RIF1: variants seen among roughly 807,000 people sequenced by gnomAD.
RIF1 encodes replication timing regulatory factor 1.
In RIF1, 45 loss-of-function variants were observed where a neutral mutation model predicts 247.1. The ratio of observed to expected loss-of-function variants is 0.18; its 90% CI spans 0.14 to 0.23. The LOEUF (loss-of-function observed/expected upper bound fraction) is 0.23. Ranked by LOEUF, RIF1 falls within the 10% of genes least tolerant of loss-of-function variation. The pLI, the probability that RIF1 is intolerant of heterozygous loss-of-function variation, is 1.00. For synonymous variants in RIF1, 1,087 were observed against 978.8 expected (o/e 1.11, Z -2.06); for missense variants, 2,967 against 2,862.5 (o/e 1.04, Z -0.83).
At chr2:151,432,941 C>A in intron 9 of RIF1, 136 bp from the exon 10 acceptor site, 1 of 600,862 alleles carries the variant, frequency 1.7e-6, no homozygotes, top group Non-Finnish European at 2.7e-6. Context: ...AGAGCAAGGA[C>A]AGCCTGGGGA....
chr2:151,516,413 G>A, the RIF1 span: 2 of 1,321,274 alleles, frequency 1.5e-6, no homozygotes, highest in Non-Finnish European at 2.2e-6. Flanking sequence ...CTTGTGTTCA[G>A]TAGTGTGATG....
At position 151,493,817 on chromosome 2, in the gene RIF1, A is replaced by G. The variant is rs1331906548; in HGVS notation, c.*416-1412A>G. 1.9e-6 allele frequency: 3 copies of G among 1,587,608 alleles called. No individual in the cohort carries two copies. The highest frequency in any genetic ancestry group is 2.6e-6 in the Non-Finnish European group (3 of 1,164,960). ...GATTGCGTTTCACTCTTTCCATCTC[A>G]GGAGTAAAGGGTGTGGGGGTTGCTT... is the stretch of plus-strand genomic sequence containing the variant. On this transcript the variant is annotated intron_variant and NMD_transcript_variant, in intron 9 of 13. Transcript: ENST00000454583.
intron 9 of RIF1, chr2:151,493,265 T>C (rs777922046): frequency 8.1e-5 from 82 of 1,011,902 alleles, no homozygotes; most frequent in Non-Finnish European, 1.1e-4. Flanking sequence ...AGTGTGTTTT[T>C]CAGTTGAATG....
At chr2:151,530,880 CACT>C in the RIF1 span, 1 of 657,420 alleles carries the variant, frequency 1.5e-6, no homozygotes, top group Non-Finnish European at 2.7e-6. Flanking sequence ...TATTTTAAGC[CACT>C]AAGTTTTAGG....
the RIF1 span, among the ~76,000 whole-genome samples, chr2:151,521,382 C>T: frequency 2.0e-5 from 3 of 152,134 alleles, no homozygotes; most frequent in Non-Finnish European, 2.9e-5. Flanking sequence ...TACAATGGCT[C>T]TTCTCTGAAA....
At chr2:151,433,746 C>T (rs1055884819) in intron 10 of RIF1, among the ~76,000 whole-genome samples, 2 of 152,104 alleles carry the variant, frequency 1.3e-5, no homozygotes, top group African/African-American at 2.4e-5. Context: ...TGAGCCACCG[C>T]GCCTGGCCCT....
intron 2 of RIF1, among the ~76,000 whole-genome samples, chr2:151,411,010 G>T (rs1478256927): frequency 1.3e-5 from 2 of 152,148 alleles, no homozygotes; most frequent in Non-Finnish European, 2.9e-5. Flanking sequence ...TCCCTGTTCT[G>T]TCTTTTTGGA....
At chr2:151,436,225 CA>C (rs1221026596) in intron 11 of RIF1, among the ~76,000 whole-genome samples, 2 of 150,636 alleles carry the variant, frequency 1.3e-5, no homozygotes, top group Non-Finnish European at 3.0e-5. Flanking sequence ...GACTCAGTCT[CA>C]AAAAAAACAA....
chr2:151,437,056 A>G (rs1204112373), intron 12 of RIF1, 53 bp downstream of exon 12: 2 of 1,471,934 alleles, frequency 1.4e-6, no homozygotes, highest in Non-Finnish European at 1.9e-6. Flanking sequence ...CTAGGACTTA[A>G]TGCATTGGGG....
chr2:151,479,634 AT>A lies in RIF1; in HGVS notation c.*4564del, dbSNP rs2049085150. ...ACCTCTGGTCACTTAATTTTCTGTTATATTATGTGGTTGAAAATTCCTGTTT... is the reference window on the plus strand; with the variant it reads ...ACCTCTGGTCACTTAATTTTCTGTTAATTATGTGGTTGAAAATTCCTGTTT... On this transcript the variant is annotated 3_prime_UTR_variant, in exon 36 of 36. Transcript: ENST00000444746. The A allele has an allele frequency of 6.6e-6, 1 of 152,190 alleles. No homozygotes were observed. Among genetic ancestry groups the A allele is most frequent in the Non-Finnish European group, 1.5e-5 (1 of 68,030 alleles). 9.4% of individuals were successfully genotyped at this position (152,190 alleles called of 1,614,324 possible). A position where few individuals can be genotyped will look rare whatever the true frequency, so the allele number is the denominator to read the frequency against.
the RIF1 span, chr2:151,525,201 C>T: frequency 1.9e-6 from 3 of 1,613,984 alleles, no homozygotes; most frequent in East Asian, 2.2e-5. Flanking sequence ...GCATGTTTCA[C>T]CTCTGGTGGC....
At position 151,411,466 on chromosome 2, in the gene RIF1, G is replaced by A. The variant is rs1009605579; in HGVS notation, c.183+128G>A. The A allele has an allele frequency of 2.8e-5, 16 of 579,746 alleles. No homozygotes were observed. In the East Asian group the frequency reaches 4.0e-4, roughly 14 times the overall value. The allele number at this position is 579,746 out of a possible 1,614,324, so 35.9% of individuals were successfully genotyped here. On this transcript the variant is annotated intron_variant, in intron 3 of 35. Coordinates refer to ENST00000444746, the MANE Select transcript of RIF1 (RefSeq NM_018151.5). The stretch of plus-strand genomic sequence containing the variant: ...GGCGAGAGTGCAATGGCTCAGGCTC[G>A]GGCTCGGCTCACTGAAACCTCCGCC...
In RIF1 at chr2:151,411,476, C is replaced by G. The variant is rs970150799; in HGVS notation, c.183+138C>G. 7.1e-6 allele frequency: 4 copies of G among 566,126 alleles called. No homozygotes were observed. In the African/African-American group the frequency reaches 7.8e-5, roughly 11 times the overall value. The allele number at this position is 566,126 out of a possible 1,614,324, so 35.1% of individuals were successfully genotyped here. A position where few individuals can be genotyped will look rare whatever the true frequency, so the allele number is the denominator to read the frequency against. The stretch of plus-strand genomic sequence containing the variant: ...CAATGGCTCAGGCTCGGGCTCGGCT[C>G]ACTGAAACCTCCGCCTCTCGGGTTC... On this transcript the variant is annotated intron_variant, in intron 3 of 35. Coordinates refer to ENST00000444746, the MANE Select transcript of RIF1 (RefSeq NM_018151.5).
chr2:151,498,446 G>GAGTA lies in RIF1; in HGVS notation c.*514-895_*514-892dup, dbSNP rs377076974. 3.1e-4 allele frequency: 246 copies of GAGTA among 795,670 alleles called. 1 individual carries two copies. Among genetic ancestry groups the GAGTA allele is most frequent in the African/African-American group, 2.4e-3 (138 of 57,348 alleles). 49.3% of individuals were successfully genotyped at this position (795,670 alleles called of 1,614,324 possible). On this transcript the variant is annotated intron_variant and NMD_transcript_variant, in intron 10 of 13. Transcript: ENST00000454583. ...AGTTGGGAGTGGGAAGGGAGGAAGA[G>GAGTA]AGTAAGTTAGAGGAAGAGAAATACC... is the stretch of plus-strand genomic sequence containing the variant.
chr2:151,498,531 A>G (rs2061916679), intron 10 of RIF1, among the ~76,000 whole-genome samples: 1 of 152,162 alleles, frequency 6.6e-6, no homozygotes, highest in Non-Finnish European at 1.5e-5. Flanking sequence ...AAGCAAAGGA[A>G]TGCAGGAAAG....
At chr2:151,466,158 TTTGG>T (rs1559023781) in intron 30 of RIF1, 38 bp downstream of exon 30, 2 of 1,325,808 alleles carry the variant, frequency 1.5e-6, no homozygotes, top group African/African-American at 1.5e-5. Flanking sequence ...GAACCCAGTA[TTTGG>T]TTGGGATATT....
At position 151,494,229 on chromosome 2, in the gene RIF1, TC is replaced by T; in HGVS notation, c.*416-996del. 1 of 1,602,936 alleles carries T rather than the reference TC, an allele frequency of 6.2e-7. No homozygotes were observed. Among genetic ancestry groups the T allele is most frequent in the Non-Finnish European group, 8.5e-7 (1 of 1,173,776 alleles). Reference sequence around the variant, plus strand: ...GGAGTGACAGGGGTTGCGGTGGCTTTCCCCACATTTTCTTTGTACAAAACCT... The same window carrying T: ...GGAGTGACAGGGGTTGCGGTGGCTTTCCCACATTTTCTTTGTACAAAACCT... On this transcript the variant is annotated intron_variant and NMD_transcript_variant, in intron 9 of 13. Coordinates refer to the RIF1 transcript ENST00000454583.
Position 151,457,907 on chromosome 2 carries a change from G to A in RIF1, c.2799G>A (p.Gln933=), listed in dbSNP as rs141393395. Residue 933 remains glutamine, a synonymous_variant, in exon 24 of 36, where the codon CAG becomes CAA. Transcript: ENST00000444746. The part of the protein sequence containing the change: ...KNKQIRKQSA[Q]FWNATFAKVM... ...AACAGATTCGAAAACAGAGTGCTCA[G>A]TTCTGGAATGCCACTTTTGCCAAAG... is the stretch of plus-strand genomic sequence containing the variant. The A allele has an allele frequency of 1.2e-5, 20 of 1,613,768 alleles. No homozygotes were observed. The African/African-American group carries it at 2.1e-4, about 17-fold the overall frequency.
chr2:151,437,234 C>A lies in RIF1; in HGVS notation c.1373-7C>A. 6.3e-7 allele frequency: 1 copy of A among 1,595,888 alleles called. No individual in the cohort carries two copies. The highest frequency in any genetic ancestry group is 8.6e-7 in the Non-Finnish European group (1 of 1,164,246). On this transcript the variant is annotated splice_region_variant and splice_polypyrimidine_tract_variant and intron_variant, in intron 12 of 35. Coordinates refer to ENST00000444746, the MANE Select transcript of RIF1 (RefSeq NM_018151.5). ...TTACATAATTATCTTTTATTCTTCC[C>A]TTTCAGAGCCATTGGAACATCCGTT...
Sources: allele counts gnomAD v4.1 joint callset (sites outside exome capture counted in the v4.1 genomes callset), GRCh38; gene constraint gnomAD v4.1.1; transcripts MANE v1.5; gene names NCBI Gene and HGNC (gene_info 2026-07-23, HGNC 2026-07-21).